ERICH6: variants seen among roughly 807,000 people sequenced by gnomAD.
ERICH6 encodes glutamate-rich protein 6.
A neutral mutation model predicts 71.0 loss-of-function variants in ERICH6; 71 were observed. That is an observed-to-expected ratio of 1.00 (90% CI 0.83 to 1.22). The LOEUF is 1.22. Ranked by LOEUF, ERICH6 falls within the 50% of genes most tolerant of loss-of-function variation. ERICH6 has a pLI of 0.00. For synonymous variants in ERICH6, 262 were observed against 278.4 expected, an observed-to-expected ratio of 0.94 and a Z score of 0.59; for missense variants, 808 against 797.2, an observed-to-expected ratio of 1.01 and a Z score of -0.16.
Position 150,703,512 on chromosome 3 carries a change from G to A in ERICH6, c.387C>T (p.Ser129=). The part of the protein sequence containing the change: ...TETPSASPPS[S]TSSHKSFPKI... ...GGGCGGTACTTTTATGCGAGGAGGT[G>A]CTGGAGGGTGGGCTTGCGCTCGGCG... Residue 129 remains serine (S), a synonymous_variant, in exon 1 of 14, where the codon AGC becomes AGT. Coordinates refer to ENST00000295910, the MANE Select transcript of ERICH6 (RefSeq NM_152394.5). The A allele has an allele frequency of 6.2e-7, 1 of 1,605,176 alleles. No individual in the cohort carries two copies. The highest frequency in any genetic ancestry group is 8.5e-7 in the Non-Finnish European group (1 of 1,176,314).
At chr3:150,674,117 G>T in intron 10 of ERICH6, 76 bp from the exon 11 acceptor site, 1 of 1,185,004 alleles carries the variant, frequency 8.4e-7, no homozygotes, top group Non-Finnish European at 1.2e-6. Flanking sequence ...ATGGACATCA[G>T]CTGGTTACTA....
chr3:150,692,093 G>A (rs1014749830), intron 3 of ERICH6, among the ~76,000 whole-genome samples: 2 of 152,120 alleles, frequency 1.3e-5, no homozygotes, highest in South Asian at 4.1e-4. Flanking sequence ...ATAGGCGCTT[G>A]TGTCAGTTTA....
intron 13 of ERICH6, among the ~76,000 whole-genome samples, chr3:150,663,818 T>C (rs1288939614): frequency 2.0e-5 from 3 of 151,762 alleles, no homozygotes; most frequent in African/African-American, 7.3e-5. Flanking sequence ...CAGATGGGTA[T>C]GTTGAATTGG....
intron 2 of ERICH6, 89 bp from the exon 3 acceptor site, chr3:150,698,971 A>G: frequency 1.3e-6 from 1 of 745,638 alleles, no homozygotes; most frequent in Admixed American, 2.3e-5. Context: ...CAATTAATTA[A>G]TGCACGTAGA....
chr3:150,668,631 G>T (rs559116816), intron 12 of ERICH6, among the ~76,000 whole-genome samples: 31 of 152,270 alleles, frequency 2.0e-4, no homozygotes, highest in African/African-American at 7.2e-4. Context: ...ACTGGCAGAG[G>T]TTCCCGAGAT....
At chr3:150,665,263 G>A (rs1727365540) in intron 13 of ERICH6, among the ~76,000 whole-genome samples, 1 of 152,132 alleles carries the variant, frequency 6.6e-6, no homozygotes. Context: ...TGGTGGTCAT[G>A]AGATATTCCT....
intron 13 of ERICH6, among the ~76,000 whole-genome samples, chr3:150,662,337 GA>G (rs1727255053): frequency 6.6e-6 from 1 of 152,132 alleles, no homozygotes; most frequent in African/African-American, 2.4e-5. Context: ...TGAAATACTA[GA>G]AACAATGAAC....
At chr3:150,695,681 A>T (rs1292475294) in intron 3 of ERICH6, among the ~76,000 whole-genome samples, 1 of 151,908 alleles carries the variant, frequency 6.6e-6, no homozygotes, top group African/African-American at 2.4e-5. Context: ...AGAGAAAGAA[A>T]AAAAGACCCC....
At chr3:150,672,596 C>A (rs1356991709) in intron 11 of ERICH6, among the ~76,000 whole-genome samples, 1 of 151,534 alleles carries the variant, frequency 6.6e-6, no homozygotes, top group Non-Finnish European at 1.5e-5. Flanking sequence ...TCTCAAAAAA[C>A]AAACAAACAA....
chr3:150,702,107 A>C lies in ERICH6; in HGVS notation c.461+14T>G, dbSNP rs142991471. 1.4e-5 allele frequency: 21 copies of C among 1,519,384 alleles called. 1 individual carries two copies. In the African/African-American group the frequency reaches 1.9e-4, roughly 14 times the overall value. The allele number at this position is 1,519,384 out of a possible 1,614,324, so 94.1% of individuals were successfully genotyped here. A position where few individuals can be genotyped will look rare whatever the true frequency, so the allele number is the denominator to read the frequency against. On this transcript the variant is annotated intron_variant, in intron 2 of 13. Transcript: ENST00000295910. ...TGGGTTCAAAAAATGTGAAATTTGA[A>C]AACATTTTCTTACCTATCTATACTC... is the stretch of plus-strand genomic sequence containing the variant.
chr3:150,683,882 G>C (rs192478020), intron 6 of ERICH6, among the ~76,000 whole-genome samples: 15 of 152,308 alleles, frequency 9.8e-5, no homozygotes, highest in African/African-American at 2.6e-4. Context: ...AACTAGATTG[G>C]CATCATCACT....
At position 150,670,331 on chromosome 3, in the gene ERICH6, A is replaced by C. The variant is rs533233704; in HGVS notation, c.1344-880T>G. On this transcript the variant is annotated intron_variant, in intron 11 of 13. Transcript: ENST00000295910. ...AACCCCATCTCTACTAAAATTACAA[A>C]AATAGCCAGGCATGGTGGTGTGCAC... Among the ~76,000 whole-genome samples the C allele has an allele frequency of 2.0e-5, 3 of 152,030 alleles. No homozygotes were observed. In the South Asian group the frequency reaches 6.2e-4, roughly 32 times the overall value.
chr3:150,696,157 A>G (rs1445577646), intron 3 of ERICH6, among the ~76,000 whole-genome samples: 2 of 152,060 alleles, frequency 1.3e-5, no homozygotes, highest in Non-Finnish European at 2.9e-5. Context: ...TATACACAAT[A>G]TATATTTGAT....
chr3:150,698,876 A>G lies in ERICH6; in HGVS notation c.468T>C (p.Ile156=), dbSNP rs1433092655. ...DMSEMSIDRN[I]HRNLSPGIPV... is the part of the protein sequence containing the mutation. ...GAATTCCTGGAGACAAATTGCGATG[A>G]ATATTTCTGAAATTTCGACAAAAAT... Residue 156 remains isoleucine (I), a synonymous_variant, in exon 3 of 14, where the codon ATT becomes ATC. Transcript: ENST00000295910. 1 of 1,613,544 alleles carries G rather than the reference A, an allele frequency of 6.2e-7. No homozygotes were observed. Among genetic ancestry groups the G allele is most frequent in the East Asian group, 2.2e-5 (1 of 44,850 alleles).
At chr3:150,663,620 A>G (rs1387288818) in intron 13 of ERICH6, among the ~76,000 whole-genome samples, 13 of 152,090 alleles carry the variant, frequency 8.5e-5, no homozygotes, top group Non-Finnish European at 1.8e-4. Context: ...GACCACAGGC[A>G]TGCGCCACCA....
chr3:150,674,083 C>T (rs1317436342), intron 10 of ERICH6, 42 bp from the exon 11 acceptor site: 1 of 1,541,266 alleles, frequency 6.5e-7, no homozygotes. Flanking sequence ...TTGTTTCGGA[C>T]ATAAAGTAGT....
chr3:150,701,358 G>C (rs1030239047), intron 2 of ERICH6, among the ~76,000 whole-genome samples: 1 of 145,782 alleles, frequency 6.9e-6, no homozygotes, highest in African/African-American at 2.5e-5. Context: ...GATAAACCAA[G>C]AAATGAAAAT....
At chr3:150,695,323 C>A (rs1712613317) in intron 3 of ERICH6, among the ~76,000 whole-genome samples, 1 of 152,100 alleles carries the variant, frequency 6.6e-6, no homozygotes, top group African/African-American at 2.4e-5. Context: ...AGTTTTCCTA[C>A]TGATTGACAA....
rs755072602 is a variant in ERICH6 at position 150,703,865 on chromosome 3, C to G, written c.34G>C (p.Asp12His). ...TCCTTCTGGTCCTTCTTCCCCGGGTCTCCGAAGCCGCTAGGCGAGCGCAAG... is the reference window on the plus strand; with the variant it reads ...TCCTTCTGGTCCTTCTTCCCCGGGTGTCCGAAGCCGCTAGGCGAGCGCAAG... ...AHLRSPSGFG[D>H]PGKKDQKESE... is the part of the protein sequence containing the mutation. Residue 12 changes from aspartate (D) to histidine (H), a missense_variant, in exon 1 of 14, where the codon GAC (aspartate) becomes CAC (histidine). Physicochemically the swap from Asp to His is moderately conservative, Grantham distance 81. Transcript: ENST00000295910. The G allele has an allele frequency of 1.2e-6, 2 of 1,613,766 alleles. No homozygotes were observed. The highest frequency in any genetic ancestry group is 2.7e-5 in the African/African-American group (2 of 74,844).
Sources: gnomAD v4.1 joint callset for allele counts (sites outside exome capture counted in the v4.1 genomes callset) on GRCh38, gnomAD v4.1.1 for gene constraint, MANE v1.5 for transcripts, NCBI Gene and HGNC (gene_info 2026-07-23, HGNC 2026-07-21) for gene names.